Variants in DIAPH1 observed in about 807,000 individuals in gnomAD.
DIAPH1 encodes the protein protein diaphanous homolog 1.
DIAPH1 carries 46 observed loss-of-function variants against 140.7 expected under a neutral mutation model. That is an observed-to-expected ratio of 0.33 (90% CI 0.26 to 0.42). The LOEUF (loss-of-function observed/expected upper bound fraction) is 0.42. Among genes scored for constraint, DIAPH1 ranks in the 10% least tolerant of loss-of-function variants. The pLI, the probability that DIAPH1 is intolerant of heterozygous loss-of-function variation, is 1.00. For missense variants in DIAPH1, 1,310 were observed against 1,558.7 expected (o/e 0.84, Z 2.69); for synonymous variants, 565 against 551.6 (o/e 1.02, Z -0.34).
chr5:141,522,019 G>C (rs1043420070), intron 27 of DIAPH1, among the ~76,000 whole-genome samples: 4 of 152,134 alleles, frequency 2.6e-5, no homozygotes, highest in African/African-American at 2.4e-5. Context: ...TAGGTCTTTT[G>C]ATCCCTACCT....
intron 7 of DIAPH1, among the ~76,000 whole-genome samples, chr5:141,581,386 G>A (rs2154596525): frequency 6.6e-6 from 1 of 152,240 alleles, no homozygotes; most frequent in African/African-American, 2.4e-5. Flanking sequence ...TAATTTTGTG[G>A]TACACTAGCA....
intron 15 of DIAPH1, 30 bp downstream of exon 15, chr5:141,574,937 G>GTCAT: frequency 6.2e-7 from 1 of 1,613,650 alleles, no homozygotes; most frequent in Non-Finnish European, 8.5e-7. Context: ...GAGGTTACAG[G>GTCAT]TCATTCTGCC....
At chr5:141,532,799 TTC>T (rs1443844240) in intron 19 of DIAPH1, among the ~76,000 whole-genome samples, 2 of 152,234 alleles carry the variant, frequency 1.3e-5, no homozygotes, top group Non-Finnish European at 2.9e-5. Context: ...TTTTCTTAAA[TTC>T]TGTTTTCCAT....
chr5:141,617,385 T>C (rs2099902856), intron 1 of DIAPH1, among the ~76,000 whole-genome samples: 1 of 152,172 alleles, frequency 6.6e-6, no homozygotes. Flanking sequence ...CAGGAGCACT[T>C]GGTCTTGCTA....
Position 141,518,905 on chromosome 5 carries a change from T to C in DIAPH1, c.3662-1897A>G, listed in dbSNP as rs1347683083. 5 of 1,545,256 alleles carry C rather than the reference T, an allele frequency of 3.2e-6. No homozygotes were observed. The East Asian group carries it at 1.2e-4, about 38-fold the overall frequency. Reference sequence around the variant, plus strand: ...TTTTCATCCCAGGAGAGGCTGCCCATAGATCAAGCAGGGAACACGCAGCAT... The same window carrying C: ...TTTTCATCCCAGGAGAGGCTGCCCACAGATCAAGCAGGGAACACGCAGCAT... On this transcript the variant is annotated intron_variant, in intron 27 of 27. Coordinates refer to ENST00000389054, the MANE Select transcript of DIAPH1 (RefSeq NM_005219.5).
In DIAPH1 at chr5:141,523,789, A is replaced by T. The variant is rs192176262; in HGVS notation, c.3661+354T>A. On this transcript the variant is annotated intron_variant, in intron 27 of 27. Coordinates refer to ENST00000389054, the MANE Select transcript of DIAPH1 (RefSeq NM_005219.5). ...CTGACTTATTTTTTCTTTGAATTTC[A>T]ATCTATATCTAATATACATTTTGTA... Among the ~76,000 whole-genome samples the T allele has an allele frequency of 4.6e-5, 7 of 151,246 alleles. No individual in the cohort carries two copies. In the East Asian group the frequency reaches 1.4e-3, roughly 30 times the overall value.
intron 1 of DIAPH1, among the ~76,000 whole-genome samples, chr5:141,596,891 A>G (rs1473124903): frequency 6.6e-6 from 1 of 152,134 alleles, no homozygotes; most frequent in African/African-American, 2.4e-5. Context: ...CCAAATAAAC[A>G]GTATGCAACA....
chr5:141,542,398 A>G (rs930409760), intron 18 of DIAPH1, among the ~76,000 whole-genome samples: 5 of 151,250 alleles, frequency 3.3e-5, no homozygotes, highest in Non-Finnish European at 5.9e-5. Context: ...GTGCCACTAC[A>G]CTCTGGACTG....
chr5:141,524,952 T>C (rs534677480), intron 26 of DIAPH1, among the ~76,000 whole-genome samples: 1 of 152,210 alleles, frequency 6.6e-6, no homozygotes, highest in African/African-American at 2.4e-5. Context: ...CTCATTTGCT[T>C]GACCCGGGTA....
rs74492649 is a variant in DIAPH1, at chr5:141,530,804, C to A, written c.2582-1107G>T. On this transcript the variant is annotated intron_variant, in intron 19 of 27. Transcript: ENST00000389054. The stretch of plus-strand genomic sequence containing the variant: ...ACTCAGATAAGCCTTTTGGAATCGC[C>A]TAGAAGAAAACTATACCAACATTTT... 5.8e-4 allele frequency among the ~76,000 whole-genome samples: 88 copies of A among 152,240 alleles called. 1 individual carries two copies. The East Asian group carries it at 0.016, about 28-fold the overall frequency.
intron 14 of DIAPH1, 21 bp from the exon 15 acceptor site, chr5:141,575,167 G>T (rs781500981): frequency 3.7e-6 from 6 of 1,613,476 alleles, no homozygotes; most frequent in Non-Finnish European, 5.1e-6. Flanking sequence ...AACGAATCAG[G>T]CTCCCAGCAA....
chr5:141,529,558 G>A (rs1190416795), intron 20 of DIAPH1, 45 bp downstream of exon 20: 1 of 1,475,924 alleles, frequency 6.8e-7, no homozygotes, highest in Non-Finnish European at 9.5e-7. Flanking sequence ...CCAGTGCCCA[G>A]CGACACAGAA....
Position 141,575,002 on chromosome 5 carries a change from C to A in DIAPH1, c.1606G>T (p.Asp536Tyr), listed in dbSNP as rs377104351. 5 of 1,614,026 alleles carry A rather than the reference C, an allele frequency of 3.1e-6. No homozygotes were observed. In the African/African-American group the frequency reaches 6.7e-5, roughly 22 times the overall value. ...EKQQIATEKQDLEAEVSQLTG... is the reference protein window; with the variant it reads ...EKQQIATEKQYLEAEVSQLTG... ...AGCTGGGACACCTCTGCTTCCAGGT[C>A]CTGTTTCTCTGTGGCAATTTGCTGC... Residue 536 changes from aspartate (D) to tyrosine (Y), a missense_variant, in exon 15 of 28, where the codon GAC becomes TAC. Asp to Tyr is a radical substitution (Grantham distance 160). Transcript: ENST00000389054.
Position 141,529,582 on chromosome 5 carries a change from C to T in DIAPH1, c.2676+21G>A, listed in dbSNP as rs181410965. On this transcript the variant is annotated intron_variant, in intron 20 of 27. Transcript: ENST00000389054. ...AGCGACACAGAAGAGCCTGCTCCAG[C>T]AGAACCACCTTACTCCTTACCTGGA... is the stretch of plus-strand genomic sequence containing the variant. 360 of 1,597,318 alleles carry T rather than the reference C, an allele frequency of 2.3e-4. 1 individual carries two copies. In the East Asian group the frequency reaches 7.1e-3, roughly 31 times the overall value.
chr5:141,546,669 A>G lies in DIAPH1; in HGVS notation c.2483-12236T>C, dbSNP rs1284183286. 2.6e-5 allele frequency among the ~76,000 whole-genome samples: 4 copies of G among 152,214 alleles called. No homozygotes were observed. The East Asian group carries it at 7.7e-4, about 29-fold the overall frequency. ...AGACTCTGAAAAAAAAAAGAAAAAA[A>G]AAAAAAGAGACTCTCCTCCTTAAGC... On this transcript the variant is annotated intron_variant, in intron 18 of 27. Coordinates refer to ENST00000389054, the MANE Select transcript of DIAPH1 (RefSeq NM_005219.5).
At chr5:141,544,843 C>T (rs1180641384) in intron 18 of DIAPH1, among the ~76,000 whole-genome samples, 2 of 152,152 alleles carry the variant, frequency 1.3e-5, no homozygotes, top group African/African-American at 4.8e-5. Context: ...GTTTCTTATA[C>T]AGTTAAACAT....
chr5:141,549,925 G>C (rs2099891428), intron 18 of DIAPH1, among the ~76,000 whole-genome samples: 1 of 152,112 alleles, frequency 6.6e-6, no homozygotes. Flanking sequence ...TGTATTGGTT[G>C]AGACCAATGG....
intron 19 of DIAPH1, among the ~76,000 whole-genome samples, 166 bp downstream of exon 19, chr5:141,534,169 T>C (rs983912404): frequency 2.0e-5 from 3 of 152,170 alleles, no homozygotes; most frequent in South Asian, 2.1e-4. Context: ...TGCAGTGCTA[T>C]TGAAGAAATT....
intron 1 of DIAPH1, among the ~76,000 whole-genome samples, chr5:141,606,721 GT>G (rs547082568): frequency 2.0e-5 from 3 of 152,048 alleles, no homozygotes; most frequent in South Asian, 2.1e-4. Flanking sequence ...TAACATAAGA[GT>G]TTTTTTTAAT....
Sources: allele counts gnomAD v4.1 joint callset (sites outside exome capture counted in the v4.1 genomes callset), GRCh38; gene constraint gnomAD v4.1.1; transcripts MANE v1.5; gene names NCBI Gene and HGNC (gene_info 2026-07-23, HGNC 2026-07-21).